The following SNX19 variants were observed in gnomAD, a reference collection of about 807,000 sequenced individuals.
SNX19 encodes the protein sorting nexin-19.
In SNX19, 60 loss-of-function variants were observed where a neutral mutation model predicts 85.2. The ratio of observed to expected loss-of-function variants is 0.70; its 90% CI spans 0.57 to 0.87. The LOEUF (loss-of-function observed/expected upper bound fraction) is 0.87, where lower values mean the gene tolerates loss of function less well. Among genes scored for constraint, SNX19 ranks in the 40% least tolerant of loss-of-function variants. SNX19 has a pLI of 0.00. For synonymous variants in SNX19, 520 were observed against 470.0 expected (o/e 1.11, Z -1.38); for missense variants, 1,201 against 1,217.8 (o/e 0.99, Z 0.21).
In SNX19 at chr11:130,914,340, G is replaced by C. The variant is rs752088578; in HGVS notation, c.1600C>G (p.Arg534Gly). The change falls in exon 1 of 11, where the codon CGT becomes GGT. Residue 534 changes from arginine (R) to glycine (G), a missense_variant. Physicochemically the swap from Arg to Gly is moderately radical, Grantham distance 125. Transcript: ENST00000265909. ...CGGGCTGTAATGGTGCCAGTGATAC[G>C]AAGGTTCTGGATGATAACTGGACCA... Reference protein sequence around the residue: ...PDGPVIIQNLRITGTITAREH... With the variant: ...PDGPVIIQNLGITGTITAREH... 1 of 1,613,406 alleles carries C rather than the reference G, an allele frequency of 6.2e-7. No individual in the cohort carries two copies. The highest frequency in any genetic ancestry group is 1.3e-5 in the African/African-American group (1 of 75,036).
intron 8 of SNX19, among the ~76,000 whole-genome samples, chr11:130,897,077 C>T (rs1944926320): frequency 6.6e-6 from 1 of 152,124 alleles, no homozygotes; most frequent in African/African-American, 2.4e-5. Context: ...CCAGACTCTG[C>T]CGCAGCTCTC....
At chr11:130,882,834 G>T (rs116008731) in intron 8 of SNX19, among the ~76,000 whole-genome samples, 1,864 of 152,262 alleles carry the variant, frequency 0.012, 39 homozygotes, top group African/African-American at 0.043. Flanking sequence ...TGAGGAGAAT[G>T]ATGTGTCTTA....
chr11:130,868,435 C>G lies in SNX19; in HGVS notation c.*9987G>C, dbSNP rs1330539842. 1 of 152,096 alleles carries G rather than the reference C, an allele frequency of 6.6e-6. No individual in the cohort carries two copies. Among genetic ancestry groups the G allele is most frequent in the Non-Finnish European group, 1.5e-5 (1 of 68,050 alleles). 9.4% of individuals were successfully genotyped at this position (152,096 alleles called of 1,614,324 possible). On this transcript the variant is annotated 3_prime_UTR_variant, in exon 11 of 11. Transcript: ENST00000265909. Reference sequence around the variant, plus strand: ...ACAGAGGCCCCTTCACCCCAGCAACCAAGAGGCTACAGCTGGATATGTGCT... The same window carrying G: ...ACAGAGGCCCCTTCACCCCAGCAACGAAGAGGCTACAGCTGGATATGTGCT...
chr11:130,903,198 C>A (rs1453925341), intron 8 of SNX19, 57 bp downstream of exon 8: 1 of 1,607,038 alleles, frequency 6.2e-7, no homozygotes, highest in Non-Finnish European at 8.5e-7. Context: ...TTCAGCATCA[C>A]ATCCACCTTC....
rs1942965391 is a variant in SNX19 at position 130,870,200 on chromosome 11, CTTGT to C, written c.*8218_*8221del. The C allele has an allele frequency of 6.6e-6, 1 of 152,196 alleles. No individual in the cohort carries two copies. 9.4% of individuals were successfully genotyped at this position (152,196 alleles called of 1,614,324 possible). A position where few individuals can be genotyped will look rare whatever the true frequency, so the allele number is the denominator to read the frequency against. On this transcript the variant is annotated 3_prime_UTR_variant, in exon 11 of 11. Coordinates refer to ENST00000265909, the MANE Select transcript of SNX19 (RefSeq NM_014758.3). ...TGTCCAAAACCATACGTGGAGCTTG[CTTGT>C]GTTTCAATACAAGCTCTTGCCTCAG...
In SNX19 at chr11:130,878,498, G is replaced by T. The variant is rs746216541; in HGVS notation, c.2903C>A (p.Ser968Tyr). 6.2e-7 allele frequency: 1 copy of T among 1,613,900 alleles called. No homozygotes were observed. Among genetic ancestry groups the T allele is most frequent in the Admixed American group, 1.7e-5 (1 of 60,008 alleles). The change falls in exon 11 of 11, where the codon TCT becomes TAT. Residue 968 changes from serine (S) to tyrosine (Y), a missense_variant. By Grantham distance (144) the Ser-to-Tyr change is moderately radical. Around this residue, in one of 3 missense-constraint regions of SNX19, gnomAD observed 285 missense variants for 295.3 expected, o/e 0.97. Coordinates refer to ENST00000265909, the MANE Select transcript of SNX19 (RefSeq NM_014758.3). ...IILEFLDLSA[S>Y]VEESAATTSA... The stretch of plus-strand genomic sequence containing the variant: ...GGTGGTAGCAGCAGACTCCTCAACA[G>T]AGGCACTGAGATCCAAGAATTCCAG...
chr11:130,905,728 G>C, intron 7 of SNX19: 1 of 1,536,016 alleles, frequency 6.5e-7, no homozygotes, highest in Non-Finnish European at 8.7e-7. Flanking sequence ...TGCTGGATTA[G>C]AACTTCCTGT....
intron 2 of SNX19, 55 bp from the exon 3 acceptor site, chr11:130,910,425 T>C (rs1946017100): frequency 7.9e-7 from 1 of 1,264,442 alleles, no homozygotes; most frequent in African/African-American, 1.5e-5. Flanking sequence ...CACAGAGAGC[T>C]ATTCCATATA....
chr11:130,911,713 G>C lies in SNX19; in HGVS notation c.1733C>G (p.Thr578Ser). The C allele has an allele frequency of 1.9e-6, 3 of 1,614,206 alleles. No homozygotes were observed. The highest frequency in any genetic ancestry group is 2.5e-6 in the Non-Finnish European group (3 of 1,180,042). ...SSGLQQLAYH[T>S]VNRRYREFLN... ...GAACTCCCGATAGCGACGATTCACAGTGTGGTAGGCCAGCTGCTGCAGGCC... is the reference window on the plus strand; with the variant it reads ...GAACTCCCGATAGCGACGATTCACACTGTGGTAGGCCAGCTGCTGCAGGCC... The change falls in exon 2 of 11, where the codon ACT (threonine) becomes AGT (serine). Residue 578 changes from threonine to serine, a missense_variant. Physicochemically the swap from Thr to Ser is moderately conservative, Grantham distance 58 (BLOSUM62 1). This residue lies in a region of SNX19 where 791 missense variants were observed against 750.9 expected (regional missense o/e 1.05). Transcript: ENST00000265909.
chr11:130,878,406 A>G lies in SNX19; in HGVS notation c.*16T>C. On this transcript the variant is annotated 3_prime_UTR_variant, in exon 11 of 11. Coordinates refer to ENST00000265909, the MANE Select transcript of SNX19 (RefSeq NM_014758.3). ...ACTCTACTTCCCTGACCTGGGAAGA[A>G]GGCGTGAATAACCAGCTAAGAGGAG... 1.2e-6 allele frequency: 2 copies of G among 1,612,210 alleles called. No homozygotes were observed. Among genetic ancestry groups the G allele is most frequent in the Non-Finnish European group, 1.7e-6 (2 of 1,179,026 alleles).
rs1943121198 is a variant in SNX19, at chr11:130,873,946, C to T, written c.*4476G>A. ...CTCTGGGGGAAAATACTATTGAAAG[C>T]CAATCACAATGCCATTCTCAGTGTC... On this transcript the variant is annotated 3_prime_UTR_variant, in exon 11 of 11. Transcript: ENST00000265909. Among the ~76,000 whole-genome samples the T allele has an allele frequency of 1.3e-5, 2 of 152,108 alleles. No homozygotes were observed. Among genetic ancestry groups the T allele is most frequent in the South Asian group, 4.2e-4 (2 of 4,812 alleles).
intron 8 of SNX19, among the ~76,000 whole-genome samples, chr11:130,887,953 T>C (rs937726556): frequency 6.6e-6 from 1 of 152,136 alleles, no homozygotes; most frequent in Non-Finnish European, 1.5e-5. Flanking sequence ...GCAAAGAACA[T>C]AGGGGATTGA....
chr11:130,911,352 C>G, intron 2 of SNX19: 1 of 869,318 alleles, frequency 1.2e-6, no homozygotes, highest in Non-Finnish European at 1.5e-6. Flanking sequence ...TTTAACTCCT[C>G]ACACCAACTT....
rs1340943741 is a variant in SNX19, at chr11:130,907,935, T to A, written c.2165+18A>T. ...TGAGAACTGGGGAAAGGTCCCTGGG[T>A]AACTGAGGGCTTCTCACTTGCTAGC... On this transcript the variant is annotated intron_variant, in intron 5 of 10. Coordinates refer to ENST00000265909, the MANE Select transcript of SNX19 (RefSeq NM_014758.3). The A allele has an allele frequency of 7.4e-6, 12 of 1,612,562 alleles. No individual in the cohort carries two copies. The highest frequency in any genetic ancestry group is 1.7e-5 in the Admixed American group (1 of 59,984).
chr11:130,914,444 G>A lies in SNX19; in HGVS notation c.1496C>T (p.Pro499Leu). The change falls in exon 1 of 11, where the codon CCA (proline) becomes CTA (leucine). Residue 499 changes from proline (P) to leucine (L), a missense_variant. By Grantham distance (98) the Pro-to-Leu change is moderately conservative. Transcript: ENST00000265909. ...NDVSSLDPTL[P>L]PVLLSSSPPG... ...TGGAGAGGAGGAAAGCAGAACTGGTGGCAGAGTAGGATCAAGGGAGCTCAC... is the reference window on the plus strand; with the variant it reads ...TGGAGAGGAGGAAAGCAGAACTGGTAGCAGAGTAGGATCAAGGGAGCTCAC... 1 of 1,613,892 alleles carries A rather than the reference G, an allele frequency of 6.2e-7. No individual in the cohort carries two copies. Among genetic ancestry groups the A allele is most frequent in the Non-Finnish European group, 8.5e-7 (1 of 1,179,826 alleles).
At position 130,906,017 on chromosome 11, in the gene SNX19, T is replaced by C; in HGVS notation, c.2379A>G (p.Gly793=). 2 of 1,614,216 alleles carry C rather than the reference T, an allele frequency of 1.2e-6. No individual in the cohort carries two copies. The highest frequency in any genetic ancestry group is 1.7e-6 in the Non-Finnish European group (2 of 1,180,028). Residue 793 remains glycine (G), a synonymous_variant, in exon 7 of 11, where the codon GGA becomes GGG. Coordinates refer to ENST00000265909, the MANE Select transcript of SNX19 (RefSeq NM_014758.3). ...PEKDPEQPPK[G]RVDSCVSDAA... is the part of the protein sequence containing the mutation. ...CATCTGACACGCAACTGTCCACACGTCCTTTGGGAGGTTGTTCAGGATCTT... is the reference window on the plus strand; with the variant it reads ...CATCTGACACGCAACTGTCCACACGCCCTTTGGGAGGTTGTTCAGGATCTT...
intron 6 of SNX19, 118 bp downstream of exon 6, chr11:130,906,506 CG>C: frequency 1.3e-6 from 1 of 757,346 alleles, no homozygotes; most frequent in Non-Finnish European, 2.2e-6. Context: ...GAGATCCAAA[CG>C]TTGATTAAGT....
Position 130,903,239 on chromosome 11 carries a change from A to C in SNX19, c.2573+16T>G, listed in dbSNP as rs1241516153. The C allele has an allele frequency of 6.2e-7, 1 of 1,613,290 alleles. No individual in the cohort carries two copies. The highest frequency in any genetic ancestry group is 1.7e-5 in the Admixed American group (1 of 59,982). On this transcript the variant is annotated intron_variant, in intron 8 of 10. Coordinates refer to ENST00000265909, the MANE Select transcript of SNX19 (RefSeq NM_014758.3). ...AACTTGAGATTCTGATGTGAGGGAG[A>C]ATTCAGCAGTCTTACCTTTGAACTA...
At chr11:130,900,706 A>G (rs1482479600) in intron 8 of SNX19, among the ~76,000 whole-genome samples, 1 of 152,128 alleles carries the variant, frequency 6.6e-6, no homozygotes. Context: ...TCTGAAACCA[A>G]TCTGTCATGT....
Sources: allele counts gnomAD v4.1 joint callset (sites outside exome capture counted in the v4.1 genomes callset), GRCh38; gene constraint gnomAD v4.1.1; regional missense constraint gnomAD v4.1.1; transcripts MANE v1.5; gene names NCBI Gene and HGNC (gene_info 2026-07-23, HGNC 2026-07-21).